CA10: variants seen among roughly 807,000 people sequenced by gnomAD.
CA10 encodes the protein carbonic anhydrase-related protein 10.
CA10 carries 14 observed loss-of-function variants against 44.2 expected under a neutral mutation model. The ratio of observed to expected loss-of-function variants is 0.32; its 90% CI spans 0.21 to 0.50. The LOEUF (loss-of-function observed/expected upper bound fraction) is 0.50, where lower values mean the gene tolerates loss of function less well. Among genes scored for constraint, CA10 ranks in the 20% least tolerant of loss-of-function variants. CA10 has a pLI of 0.99. For synonymous variants in CA10, 159 were observed against 141.6 expected (o/e 1.12, Z -0.87); for missense variants, 350 against 409.7 (o/e 0.85, Z 1.26).
intron 2 of CA10, among the ~76,000 whole-genome samples, chr17:52,021,201 C>T (rs987937135): frequency 1.3e-5 from 2 of 152,058 alleles, no homozygotes; most frequent in African/African-American, 4.8e-5. Flanking sequence ...TTTTGAAATT[C>T]TACACCAATC....
chr17:52,151,355 T>C (rs79116463), intron 1 of CA10, among the ~76,000 whole-genome samples: 1,906 of 152,276 alleles, frequency 0.013, 37 homozygotes, highest in African/African-American at 0.043. Flanking sequence ...ACATGATATG[T>C]CTTCTTTCTC....
intron 3 of CA10, among the ~76,000 whole-genome samples, chr17:51,896,140 A>C (rs1981057802): frequency 6.6e-6 from 1 of 152,026 alleles, no homozygotes; most frequent in South Asian, 2.1e-4. Flanking sequence ...TTTGGTATAT[A>C]GGTAAATTGC....
chr17:52,074,459 C>T (rs1334883038), intron 1 of CA10, among the ~76,000 whole-genome samples: 1 of 152,178 alleles, frequency 6.6e-6, no homozygotes, highest in African/African-American at 2.4e-5. Flanking sequence ...AAAACTCACA[C>T]CAAGTTTTAT....
intron 2 of CA10, among the ~76,000 whole-genome samples, chr17:51,968,620 G>A (rs1212460276): frequency 6.6e-6 from 1 of 151,868 alleles, no homozygotes; most frequent in East Asian, 1.9e-4. Flanking sequence ...AGGGGATCTT[G>A]AGGGGTGAGT....
chr17:51,793,791 T>C (rs1414887503), intron 3 of CA10, among the ~76,000 whole-genome samples: 4 of 152,248 alleles, frequency 2.6e-5, no homozygotes. Context: ...CTTTCTTTCC[T>C]TACCATCTCA....
At chr17:52,066,774 T>C (rs1225876367) in intron 2 of CA10, among the ~76,000 whole-genome samples, 14 of 152,240 alleles carry the variant, frequency 9.2e-5, no homozygotes, top group African/African-American at 2.4e-5. Flanking sequence ...ACTCTTGCTA[T>C]GCTTTAGCAA....
intron 4 of CA10, among the ~76,000 whole-genome samples, chr17:51,687,599 T>C: frequency 6.6e-6 from 1 of 152,210 alleles, no homozygotes; most frequent in Non-Finnish European, 1.5e-5. Flanking sequence ...TTTGTACCAG[T>C]GGTTTCCGGG....
At position 52,108,204 on chromosome 17, in the gene CA10, A is replaced by ATATTT. The variant is rs1555566991; in HGVS notation, c.62-35812_62-35811insAAATA. ...TTATATATATATTTTTTATATATAT[A>ATATTT]TATATATATATATATATATATAATA... On this transcript the variant is annotated intron_variant, in intron 1 of 8. Transcript: ENST00000451037. Among the ~76,000 whole-genome samples the ATATTT allele has an allele frequency of 5.6e-4, 13 of 23,038 alleles. No individual in the cohort carries two copies. In the African/African-American group the frequency reaches 0.014, roughly 26 times the overall value. The allele number at this position is 23,038 out of a possible 152,430, so 15.1% of individuals were successfully genotyped here.
intron 1 of CA10, among the ~76,000 whole-genome samples, chr17:52,145,899 T>TA (rs1057135260): frequency 2.0e-5 from 3 of 152,252 alleles, no homozygotes; most frequent in South Asian, 2.1e-4. Flanking sequence ...AGATTATTTT[T>TA]AAAAAAAATT....
At chr17:51,873,055 G>T (rs1308802384) in intron 3 of CA10, among the ~76,000 whole-genome samples, 2 of 152,204 alleles carry the variant, frequency 1.3e-5, no homozygotes, top group Non-Finnish European at 2.9e-5. Flanking sequence ...AGAAGTGCTG[G>T]AGTTTAGTTT....
chr17:52,060,812 A>C (rs1183629785), intron 2 of CA10, among the ~76,000 whole-genome samples: 1 of 152,176 alleles, frequency 6.6e-6, no homozygotes, highest in Non-Finnish European at 1.5e-5. Flanking sequence ...TAGTGGAAAG[A>C]GCATTGGATT....
At chr17:51,992,437 C>T (rs561968576) in intron 2 of CA10, among the ~76,000 whole-genome samples, 1 of 152,160 alleles carries the variant, frequency 6.6e-6, no homozygotes, top group East Asian at 1.9e-4. Flanking sequence ...TCTCTATATG[C>T]CTATAGCTTA....
In CA10 at chr17:51,962,541, G is replaced by A. The variant is rs149915820; in HGVS notation, c.137-31409C>T. ...AAACAAGAATAAAATATATACCCAG[G>A]CATGTTGGCCACAACCAGCTCTTAC... On this transcript the variant is annotated intron_variant, in intron 2 of 8. Coordinates refer to ENST00000451037, the MANE Select transcript of CA10 (RefSeq NM_020178.5). 1.2e-3 allele frequency among the ~76,000 whole-genome samples: 190 copies of A among 152,244 alleles called. 1 individual carries two copies. Among genetic ancestry groups the A allele is most frequent in the African/African-American group, 4.4e-3 (181 of 41,520 alleles).
At chr17:51,965,127 C>A (rs203027) in intron 2 of CA10, among the ~76,000 whole-genome samples, 132,485 of 151,898 alleles carry the variant, frequency 0.87, 57,805 homozygotes, top group East Asian at 0.95. Context: ...ACCTCTTTGC[C>A]TGCAAACTAG....
chr17:51,922,607 G>T (rs755971282), intron 3 of CA10, among the ~76,000 whole-genome samples: 6 of 152,048 alleles, frequency 3.9e-5, no homozygotes, highest in South Asian at 2.1e-4. Flanking sequence ...AAAATTCCCC[G>T]TGCTGCCACT....
At chr17:51,871,345 C>A (rs1979801029) in intron 3 of CA10, among the ~76,000 whole-genome samples, 1 of 151,222 alleles carries the variant, frequency 6.6e-6, no homozygotes, top group African/African-American at 2.4e-5. Flanking sequence ...GATTCTCCTG[C>A]CTCAGCCTCC....
chr17:51,936,319 A>G (rs1982862719), intron 2 of CA10, among the ~76,000 whole-genome samples: 1 of 152,160 alleles, frequency 6.6e-6, no homozygotes, highest in Non-Finnish European at 1.5e-5. Flanking sequence ...CTATCTGTGT[A>G]AAGTTTTTGG....
intron 2 of CA10, among the ~76,000 whole-genome samples, chr17:51,977,563 A>C (rs923105323): frequency 3.7e-4 from 56 of 152,204 alleles, no homozygotes; most frequent in African/African-American, 1.3e-3. Flanking sequence ...TGTATCTGCT[A>C]AAAACTTATA....
rs540594651 is a variant in CA10 at position 51,861,722 on chromosome 17, T to A, written c.279+69268A>T. 2.0e-5 allele frequency among the ~76,000 whole-genome samples: 3 copies of A among 152,338 alleles called. No individual in the cohort carries two copies. The South Asian group carries it at 6.2e-4, about 32-fold the overall frequency. On this transcript the variant is annotated intron_variant, in intron 3 of 8. Coordinates refer to ENST00000451037, the MANE Select transcript of CA10 (RefSeq NM_020178.5). ...AATTAGCCAATTAATCTGGCTTTGC[T>A]TTGTTTCCCTCATGTCTAGGGACTT... is the stretch of plus-strand genomic sequence containing the variant.
Sources: gnomAD v4.1 joint callset for allele counts (sites outside exome capture counted in the v4.1 genomes callset) on GRCh38, gnomAD v4.1.1 for gene constraint, MANE v1.5 for transcripts, NCBI Gene and HGNC (gene_info 2026-07-23, HGNC 2026-07-21) for gene names.